SMARCAL1: variants seen among roughly 807,000 people sequenced by gnomAD.
SMARCAL1 encodes the protein ATP-driven annealing helicase.
A neutral mutation model predicts 94.5 loss-of-function variants in SMARCAL1; 58 were observed. The ratio of observed to expected loss-of-function variants is 0.61; its 90% CI spans 0.50 to 0.76. SMARCAL1 has a LOEUF of 0.76. Among genes scored for constraint, SMARCAL1 ranks in the 30% least tolerant of loss-of-function variants. The pLI is 0.00. For missense variants in SMARCAL1, 1,051 were observed against 1,177.9 expected (o/e 0.89, Z 1.58); for synonymous variants, 422 against 455.1 (o/e 0.93, Z 0.93).
chr2:216,453,479 T>C (rs1232712767), intron 12 of SMARCAL1, among the ~76,000 whole-genome samples: 1 of 152,224 alleles, frequency 6.6e-6, no homozygotes, highest in Non-Finnish European at 1.5e-5. Flanking sequence ...CTAAAGCCAT[T>C]GATTTAGTGC....
At chr2:216,431,087 C>G (rs535768638) in intron 7 of SMARCAL1, among the ~76,000 whole-genome samples, 1 of 152,374 alleles carries the variant, frequency 6.6e-6, no homozygotes, top group East Asian at 1.9e-4. Flanking sequence ...AGGCCCCCGC[C>G]CAGGCTGCAG....
At chr2:216,434,431 C>T (rs543354962) in intron 8 of SMARCAL1, among the ~76,000 whole-genome samples, 6 of 152,260 alleles carry the variant, frequency 3.9e-5, no homozygotes, top group Non-Finnish European at 7.4e-5. Context: ...TCTGCTACAT[C>T]GTTCATAAAA....
intron 11 of SMARCAL1, among the ~76,000 whole-genome samples, chr2:216,450,482 A>T (rs1468571789): frequency 6.6e-6 from 1 of 152,166 alleles, no homozygotes; most frequent in Non-Finnish European, 1.5e-5. Context: ...AGCCATAGGG[A>T]AGATTTAGTA....
At chr2:216,460,415 A>G (rs1187088562) in intron 12 of SMARCAL1, among the ~76,000 whole-genome samples, 2 of 152,218 alleles carry the variant, frequency 1.3e-5, no homozygotes, top group Non-Finnish European at 2.9e-5. Flanking sequence ...TATTCACAAT[A>G]GCAAACACTT....
At chr2:216,424,899 AG>A (rs1479927131) in intron 6 of SMARCAL1, among the ~76,000 whole-genome samples, 1 of 152,156 alleles carries the variant, frequency 6.6e-6, no homozygotes, top group Non-Finnish European at 1.5e-5. Context: ...TGTGATTTAG[AG>A]GGAATTATTT....
chr2:216,415,488 T>C lies in SMARCAL1; in HGVS notation c.784T>C (p.Phe262Leu), dbSNP rs758085049. The change falls in exon 3 of 18, where the codon TTT (phenylalanine) becomes CTT (leucine). Residue 262 changes from phenylalanine (F) to leucine (L), a missense_variant. Transcript: ENST00000357276. ...IGYNAELIAV[F>L]KTLPSKNYDP... ...GTACAATGCGGAACTCATTGCAGTGTTTAAGACCCTGCCCAGCAAGAATTA... is the reference window on the plus strand; with the variant it reads ...GTACAATGCGGAACTCATTGCAGTGCTTAAGACCCTGCCCAGCAAGAATTA... 1.9e-5 allele frequency: 30 copies of C among 1,613,902 alleles called. No individual in the cohort carries two copies. Among genetic ancestry groups the C allele is most frequent in the Non-Finnish European group, 2.5e-5 (30 of 1,179,976 alleles).
In SMARCAL1 at chr2:216,475,541, TC is replaced by T; in HGVS notation, c.2427+93del. 1 of 1,329,806 alleles carries T rather than the reference TC, an allele frequency of 7.5e-7. No individual in the cohort carries two copies. The highest frequency in any genetic ancestry group is 1.2e-5 in the South Asian group (1 of 84,716). 82.4% of individuals were successfully genotyped at this position (1,329,806 alleles called of 1,614,324 possible). ...AGTGTCGGTCGGGGAAAGTGTGGTT[TC>T]CCTTTTATCCATTCATTATACTTCC... On this transcript the variant is annotated intron_variant, in intron 15 of 17. Transcript: ENST00000357276. The surrounding 1 kb of genome is among the most constrained non-coding windows in gnomAD (Gnocchi z 4.4).
At chr2:216,427,549 T>C (rs1443264650) in intron 6 of SMARCAL1, 4 of 152,202 alleles carry the variant, frequency 2.6e-5, no homozygotes, top group Non-Finnish European at 4.4e-5. Context: ...ATACTCAGAT[T>C]TAATTTGGAG....
chr2:216,439,797 C>G (rs1377574874), intron 10 of SMARCAL1, among the ~76,000 whole-genome samples: 2 of 152,168 alleles, frequency 1.3e-5, no homozygotes, highest in Non-Finnish European at 2.9e-5. Flanking sequence ...GGTGGTGGCT[C>G]ACGCCTGTAA....
intron 5 of SMARCAL1, 122 bp downstream of exon 5, chr2:216,420,654 C>A: frequency 1.3e-6 from 1 of 764,422 alleles, no homozygotes; most frequent in Non-Finnish European, 2.3e-6. Context: ...TCCTGTTCTG[C>A]TCCTCTTCCT....
Position 216,442,752 on chromosome 2 carries a change from G to A in SMARCAL1, c.1711-4266G>A, listed in dbSNP as rs920611623. 2.0e-5 allele frequency among the ~76,000 whole-genome samples: 3 copies of A among 152,168 alleles called. No homozygotes were observed. In the South Asian group the frequency reaches 6.2e-4, roughly 32 times the overall value. ...CTATTGGATAAATTTATCATAATAT[G>A]TATTATCTGTTCTCTTTTGATGGAT... On this transcript the variant is annotated intron_variant, in intron 10 of 17. Coordinates refer to ENST00000357276, the MANE Select transcript of SMARCAL1 (RefSeq NM_014140.4).
At chr2:216,446,600 T>TAA in intron 10 of SMARCAL1, 1 of 444,140 alleles carries the variant, frequency 2.3e-6, no homozygotes. Flanking sequence ...CAATGCTGGA[T>TAA]TCTTTGAGTT....
intron 6 of SMARCAL1, chr2:216,427,192 G>A (rs940897393): frequency 1.3e-5 from 2 of 152,218 alleles, no homozygotes; most frequent in African/African-American, 4.8e-5. Flanking sequence ...GATGACTCAC[G>A]AAGCCGACAA....
At chr2:216,471,357 T>A (rs1386518658) in intron 14 of SMARCAL1, among the ~76,000 whole-genome samples, 3 of 119,678 alleles carry the variant, frequency 2.5e-5, no homozygotes, top group African/African-American at 4.1e-5. Flanking sequence ...AGTGATTAAA[T>A]TTTTTTTTTT....
intron 8 of SMARCAL1, 148 bp downstream of exon 8, chr2:216,433,016 C>T: frequency 9.8e-7 from 1 of 1,015,820 alleles, no homozygotes; most frequent in Non-Finnish European, 1.5e-6. Context: ...GAGATGCCAC[C>T]TGAGGGCAGG....
chr2:216,439,965 C>G (rs1327166501), intron 10 of SMARCAL1, among the ~76,000 whole-genome samples: 1 of 151,594 alleles, frequency 6.6e-6, no homozygotes, highest in Non-Finnish European at 1.5e-5. Flanking sequence ...TCGCTTGAAC[C>G]TGGGAGGCAG....
chr2:216,430,131 G>A (rs1693933018), intron 7 of SMARCAL1, among the ~76,000 whole-genome samples: 1 of 152,184 alleles, frequency 6.6e-6, no homozygotes, highest in South Asian at 2.1e-4. Context: ...GAGGCTCTGT[G>A]TGTGAGGCGC....
At chr2:216,451,169 G>T in intron 12 of SMARCAL1, 105 bp downstream of exon 12, 1 of 937,320 alleles carries the variant, frequency 1.1e-6, no homozygotes, top group South Asian at 1.4e-5. Context: ...TTTCCTTTCT[G>T]TAACCTTTTC....
intron 14 of SMARCAL1, among the ~76,000 whole-genome samples, chr2:216,468,961 C>A (rs1309684043): frequency 6.6e-6 from 1 of 152,156 alleles, no homozygotes; most frequent in Non-Finnish European, 1.5e-5. Flanking sequence ...GATCCACCTA[C>A]CTCGGCCTCC....
Sources: allele counts gnomAD v4.1 joint callset (sites outside exome capture counted in the v4.1 genomes callset), GRCh38; gene constraint gnomAD v4.1.1; non-coding constraint Gnocchi (gnomAD v3.1); transcripts MANE v1.5; gene names NCBI Gene and HGNC (gene_info 2026-07-23, HGNC 2026-07-21).